Variants in EIF3K observed in about 807,000 individuals in gnomAD.
The protein encoded by EIF3K is eukaryotic translation initiation factor 3 subunit K, also known as eIF-3 p28.
A neutral mutation model predicts 34.2 loss-of-function variants in EIF3K; 27 were observed. That is an observed-to-expected ratio of 0.79 (90% confidence interval 0.58 to 1.09). The LOEUF is 1.09. Among genes scored for constraint, EIF3K ranks in the 50% least tolerant of loss-of-function variants. EIF3K has a pLI of 0.00. For synonymous variants in EIF3K, 105 were observed against 105.7 expected, an observed-to-expected ratio of 0.99 and a Z score of 0.04; for missense variants, 232 against 275.4, an observed-to-expected ratio of 0.84 and a Z score of 1.11.
chr19:38,632,377 A>G, intron 4 of EIF3K, 53 bp from the exon 5 acceptor site: 1 of 1,553,606 alleles, frequency 6.4e-7, no homozygotes. Flanking sequence ...AAATAAAAAT[A>G]AAAGCAAATA....
intron 4 of EIF3K, chr19:38,631,901 C>T (rs56247433): frequency 1.8e-5 from 4 of 221,358 alleles, no homozygotes; most frequent in South Asian, 7.0e-5. Context: ...AAAGCACATC[C>T]TGCACCGCCC....
intron 4 of EIF3K, among the ~76,000 whole-genome samples, chr19:38,631,691 G>A (rs939557909): frequency 2.6e-5 from 4 of 152,152 alleles, no homozygotes; most frequent in Non-Finnish European, 5.9e-5. Context: ...TACGGGTGTC[G>A]GGCTGGGGGA....
chr19:38,629,590 G>A (rs1310299061), intron 4 of EIF3K, among the ~76,000 whole-genome samples: 1 of 152,020 alleles, frequency 6.6e-6, no homozygotes, highest in Non-Finnish European at 1.5e-5. Flanking sequence ...CACCACGCCC[G>A]GCCACAAATC....
At chr19:38,621,587 G>T (rs1420805193) in intron 2 of EIF3K, among the ~76,000 whole-genome samples, 4 of 152,110 alleles carry the variant, frequency 2.6e-5, no homozygotes. Flanking sequence ...CAATTCCCCT[G>T]CTCCCCCATG....
At chr19:38,626,155 G>A in intron 4 of EIF3K, 53 bp downstream of exon 4, 1 of 1,556,418 alleles carries the variant, frequency 6.4e-7, no homozygotes, top group East Asian at 2.2e-5. Flanking sequence ...ATGTGGAGCT[G>A]AGTGCTAAAA....
chr19:38,635,912 G>A (rs578180834), intron 7 of EIF3K, among the ~76,000 whole-genome samples: 9 of 152,298 alleles, frequency 5.9e-5, no homozygotes, highest in African/African-American at 1.9e-4. Context: ...CCTTCATCCC[G>A]GGTCTCCCCC....
At chr19:38,628,695 A>T (rs1302722722) in intron 4 of EIF3K, 1 of 152,222 alleles carries the variant, frequency 6.6e-6, no homozygotes, top group Non-Finnish European at 1.5e-5. Flanking sequence ...GTGGTGGCGC[A>T]TGCCTGTAAT....
In EIF3K at chr19:38,626,112, C is replaced by CTG. The variant is rs1975945516; in HGVS notation, c.354+11_354+12dup. The CTG allele has an allele frequency of 4.3e-6, 7 of 1,613,892 alleles. No homozygotes were observed. The highest frequency in any genetic ancestry group is 5.9e-6 in the Non-Finnish European group (7 of 1,179,808). On this transcript the variant is annotated intron_variant, in intron 4 of 7. Coordinates refer to ENST00000248342, the MANE Select transcript of EIF3K (RefSeq NM_013234.4). ...TTTCCAGGCCTTCTGGGTAACTTCC[C>CTG]TGGGGTCCAGGGGCAGGGGAGATGG...
chr19:38,636,624 T>A (rs1230079136), intron 7 of EIF3K, among the ~76,000 whole-genome samples: 2 of 152,164 alleles, frequency 1.3e-5, no homozygotes, highest in Non-Finnish European at 2.9e-5. Context: ...TTCTTAAAGA[T>A]AGGAAGGTAG....
chr19:38,630,437 T>A (rs1327524933), intron 4 of EIF3K, among the ~76,000 whole-genome samples: 1 of 151,360 alleles, frequency 6.6e-6, no homozygotes, highest in Non-Finnish European at 1.5e-5. Flanking sequence ...CTCTGCCTCC[T>A]GGGTTCAAGT....
Position 38,631,631 on chromosome 19 carries a change from CA to C in EIF3K, c.355-796del, listed in dbSNP as rs565254125. ...AGATGCCTTCCTCTTGTCTCAACTG[CA>C]AAGAGGCGTTCCTTCCTCTTTTACT... is the stretch of plus-strand genomic sequence containing the variant. On this transcript the variant is annotated intron_variant, in intron 4 of 7. Coordinates refer to ENST00000248342, the MANE Select transcript of EIF3K (RefSeq NM_013234.4). Among the ~76,000 whole-genome samples, 490 of 152,292 alleles carry C rather than the reference CA, an allele frequency of 3.2e-3. 3 individuals carry two copies. Among genetic ancestry groups the C allele is most frequent in the African/African-American group, 0.011 (460 of 41,566 alleles).
rs950887744 is a variant in EIF3K at position 38,627,675 on chromosome 19, CA to C, written c.354+1587del. ...TGGGTGACAGAGTGAGACTCCGTCT[CA>C]AAAAAAAAAAAAATTCAGCTCCTTC... is the stretch of plus-strand genomic sequence containing the variant. On this transcript the variant is annotated intron_variant, in intron 4 of 7. Transcript: ENST00000248342. Among the ~76,000 whole-genome samples the C allele has an allele frequency of 9.5e-3, 1,290 of 136,178 alleles. 16 individuals are homozygous for C. The highest frequency in any genetic ancestry group is 0.03 in the African/African-American group (1,108 of 37,264). The allele number at this position is 136,178 out of a possible 152,430, so 89.3% of individuals were successfully genotyped here.
intron 2 of EIF3K, 97 bp downstream of exon 2, chr19:38,620,532 AATG>A (rs112977613): frequency 1.4e-5 from 14 of 999,970 alleles, no homozygotes; most frequent in African/African-American, 9.5e-5. Context: ...TATCCTGAAC[AATG>A]CAGCATCTCT....
chr19:38,636,811 T>C (rs1976201484), intron 7 of EIF3K, 78 bp from the exon 8 acceptor site: 7 of 1,537,208 alleles, frequency 4.6e-6, no homozygotes, highest in Non-Finnish European at 6.3e-6. Context: ...CCCTAAAGAA[T>C]TGTGGGTGCT....
intron 2 of EIF3K, 115 bp downstream of exon 2, chr19:38,620,550 G>C: frequency 1.1e-6 from 1 of 892,202 alleles, no homozygotes; most frequent in Non-Finnish European, 1.8e-6. Context: ...ATCTCTTGGT[G>C]TGCAAGACTA....
At chr19:38,624,009 C>T in intron 2 of EIF3K, 68 bp from the exon 3 acceptor site, 5 of 1,607,790 alleles carry the variant, frequency 3.1e-6, no homozygotes, top group Non-Finnish European at 4.3e-6. Flanking sequence ...AAGCAGCTGC[C>T]TGGCACCTGG....
chr19:38,629,992 C>T (rs1168568458), intron 4 of EIF3K, among the ~76,000 whole-genome samples: 1 of 152,126 alleles, frequency 6.6e-6, no homozygotes, highest in African/African-American at 2.4e-5. Flanking sequence ...TTTCTCAGGG[C>T]TCTGGTTTCT....
In EIF3K at chr19:38,631,731, A is replaced by G. The variant is rs371806345; in HGVS notation, c.355-699A>G. Among the ~76,000 whole-genome samples, 217 of 152,322 alleles carry G rather than the reference A, an allele frequency of 1.4e-3. 3 individuals are homozygous for G. In the East Asian group the frequency reaches 0.037, roughly 26 times the overall value. On this transcript the variant is annotated intron_variant, in intron 4 of 7. Transcript: ENST00000248342. ...CAGGTCTTTCCCTTCCCACGAGGCC[A>G]TATTTCAGACTATCACATGGGGAGA...
chr19:38,627,227 C>G (rs567820512), intron 4 of EIF3K, among the ~76,000 whole-genome samples: 146 of 152,052 alleles, frequency 9.6e-4, no homozygotes, highest in African/African-American at 3.3e-3. Flanking sequence ...CTCAGGTGAT[C>G]TGCCTGCCTC....
Sources: gnomAD v4.1 joint callset for allele counts (sites outside exome capture counted in the v4.1 genomes callset) on GRCh38, gnomAD v4.1.1 for gene constraint, MANE v1.5 for transcripts, NCBI Gene and HGNC (gene_info 2026-07-23, HGNC 2026-07-21) for gene names.